Variants in ATXN1 observed in about 807,000 individuals in gnomAD.
The protein encoded by ATXN1 is ataxin 1, also known as ataxin-1.
A neutral mutation model predicts 56.4 loss-of-function variants in ATXN1; 8 were observed. The ratio of observed to expected loss-of-function variants is 0.14; its 90% CI spans 0.08 to 0.26. The LOEUF is 0.26. Ranked by LOEUF, ATXN1 falls within the 10% of genes least tolerant of loss-of-function variation. ATXN1 has a pLI of 1.00. For missense variants in ATXN1, 987 were observed against 1,106.5 expected (o/e 0.89, Z 1.53); for synonymous variants, 514 against 494.6 (o/e 1.04, Z -0.52).
chr6:16,427,592 T>G (rs1759184436), intron 6 of ATXN1, among the ~76,000 whole-genome samples: 1 of 152,218 alleles, frequency 6.6e-6, no homozygotes, highest in Admixed American at 6.5e-5. Context: ...TTTGCCTGAT[T>G]TGTTGTAAAT....
intron 7 of ATXN1, among the ~76,000 whole-genome samples, chr6:16,312,075 A>G (rs147939563): frequency 6.6e-6 from 1 of 152,340 alleles, no homozygotes; most frequent in African/African-American, 2.4e-5. Flanking sequence ...TTCACAGGGC[A>G]GGCAATATTT....
chr6:16,596,133 A>G (rs1019867129), intron 3 of ATXN1, among the ~76,000 whole-genome samples: 5 of 152,116 alleles, frequency 3.3e-5, no homozygotes, highest in Non-Finnish European at 7.4e-5. Context: ...AGGAGCTGGG[A>G]CTACAGATGC....
At chr6:16,584,722 A>T (rs2113764156) in intron 4 of ATXN1, among the ~76,000 whole-genome samples, 2 of 151,872 alleles carry the variant, frequency 1.3e-5, no homozygotes, top group African/African-American at 4.8e-5. Context: ...CAAAATTCTC[A>T]GCATTGGAAA....
intron 6 of ATXN1, among the ~76,000 whole-genome samples, chr6:16,375,488 G>C (rs1478483074): frequency 6.6e-6 from 1 of 152,078 alleles, no homozygotes; most frequent in Non-Finnish European, 1.5e-5. Context: ...ACAAAGATTG[G>C]GGCATTACAA....
intron 4 of ATXN1, among the ~76,000 whole-genome samples, chr6:16,551,058 T>A (rs1761912561): frequency 6.6e-6 from 1 of 152,194 alleles, no homozygotes; most frequent in South Asian, 2.1e-4. Flanking sequence ...AGGGGATAAT[T>A]CAACCTAACA....
intron 6 of ATXN1, among the ~76,000 whole-genome samples, chr6:16,359,848 T>C (rs911973087): frequency 6.6e-6 from 1 of 151,880 alleles, no homozygotes; most frequent in Admixed American, 6.6e-5. Flanking sequence ...TTCTCACGCA[T>C]AAGTGGGAGC....
In ATXN1 at chr6:16,542,080, C is replaced by T. The variant is rs556923906; in HGVS notation, c.-360-19392G>A. Reference sequence around the variant, plus strand: ...GCCACCACCAAGAATTACTTGAAGGCTTGTCAAGTGCTTTAAGGCGCTATA... The same window carrying T: ...GCCACCACCAAGAATTACTTGAAGGTTTGTCAAGTGCTTTAAGGCGCTATA... On this transcript the variant is annotated intron_variant, in intron 4 of 7. Coordinates refer to ENST00000436367, the MANE Select transcript of ATXN1 (RefSeq NM_001128164.2). 2.6e-5 allele frequency among the ~76,000 whole-genome samples: 4 copies of T among 152,110 alleles called. No homozygotes were observed. In the South Asian group the frequency reaches 8.3e-4, roughly 32 times the overall value.
At chr6:16,456,038 G>T (rs1051309464) in intron 6 of ATXN1, among the ~76,000 whole-genome samples, 1 of 152,132 alleles carries the variant, frequency 6.6e-6, no homozygotes, top group Non-Finnish European at 1.5e-5. Context: ...GAATAAAAGC[G>T]GGCCACCCCA....
chr6:16,463,157 T>C (rs746461881), intron 6 of ATXN1, among the ~76,000 whole-genome samples: 1 of 152,136 alleles, frequency 6.6e-6, no homozygotes, highest in Non-Finnish European at 1.5e-5. Context: ...GCAAGTACTC[T>C]AGGAGTATGG....
intron 6 of ATXN1, among the ~76,000 whole-genome samples, chr6:16,445,919 A>T (rs1197951212): frequency 5.3e-5 from 8 of 151,322 alleles, no homozygotes; most frequent in Non-Finnish European, 1.0e-4. Context: ...AATCCAGTCT[A>T]TCATTGTTGG....
chr6:16,451,460 G>A (rs1046753664), intron 6 of ATXN1, among the ~76,000 whole-genome samples: 9 of 151,744 alleles, frequency 5.9e-5, no homozygotes, highest in African/African-American at 1.7e-4. Context: ...GCGAGACTCC[G>A]TCTCAAAAAA....
chr6:16,336,564 AGAAGGAGCCTCTGGCACAG>A (rs1761127560), intron 6 of ATXN1, among the ~76,000 whole-genome samples: 1 of 152,344 alleles, frequency 6.6e-6, no homozygotes, highest in African/African-American at 2.4e-5. Flanking sequence ...GTGAGACTGC[AGAAGGAGCCTCTGGCACAG>A]GTCGGACGTG....
At chr6:16,724,123 G>A (rs1417416684) in intron 2 of ATXN1, among the ~76,000 whole-genome samples, 3 of 152,290 alleles carry the variant, frequency 2.0e-5, no homozygotes, top group African/African-American at 7.2e-5. Context: ...TGATTGGTGA[G>A]GGAAGTACAT....
intron 3 of ATXN1, among the ~76,000 whole-genome samples, chr6:16,644,493 G>A (rs9477197): frequency 0.051 from 7,255 of 141,194 alleles, 460 homozygotes; most frequent in African/African-American, 0.15. Context: ...CCAGCCTGGC[G>A]ACAGAGCAAG....
chr6:16,409,080 G>A (rs1390392961), intron 6 of ATXN1, among the ~76,000 whole-genome samples: 4 of 152,118 alleles, frequency 2.6e-5, no homozygotes, highest in Non-Finnish European at 4.4e-5. Context: ...GTATACCTCA[G>A]TCATTTAACC....
At chr6:16,576,305 G>C (rs1218536541) in intron 4 of ATXN1, among the ~76,000 whole-genome samples, 1 of 152,100 alleles carries the variant, frequency 6.6e-6, no homozygotes, top group East Asian at 1.9e-4. Flanking sequence ...TTCTACATAT[G>C]ATAGTTCAGC....
rs1035166202 is a variant in ATXN1 at position 16,760,136 on chromosome 6, A to G, written c.-730+1162T>C. On this transcript the variant is annotated intron_variant, in intron 1 of 7. Transcript: ENST00000436367. The surrounding 1 kb of genome is among the most constrained non-coding windows in gnomAD (Gnocchi z 5.3). ...CGCAGCACTGGAACCACGTAGGAGG[A>G]GGCGGCGGCGCCCCCGGGAGTGGCA... Among the ~76,000 whole-genome samples the G allele has an allele frequency of 6.6e-6, 1 of 151,724 alleles. No individual in the cohort carries two copies. The highest frequency in any genetic ancestry group is 2.4e-5 in the African/African-American group (1 of 41,296).
At chr6:16,570,237 T>C (rs1326727266) in intron 4 of ATXN1, among the ~76,000 whole-genome samples, 1 of 152,206 alleles carries the variant, frequency 6.6e-6, no homozygotes, top group Non-Finnish European at 1.5e-5. Flanking sequence ...TTCAAGTTTT[T>C]ATAGGTTTTC....
intron 4 of ATXN1, among the ~76,000 whole-genome samples, chr6:16,583,463 C>T (rs1053414041): frequency 6.6e-6 from 1 of 152,156 alleles, no homozygotes; most frequent in African/African-American, 2.4e-5. Flanking sequence ...TTCCTAAGAG[C>T]TGGGTGTGGC....
Sources: allele counts gnomAD v4.1 joint callset (sites outside exome capture counted in the v4.1 genomes callset), GRCh38; gene constraint gnomAD v4.1.1; non-coding constraint Gnocchi (gnomAD v3.1); transcripts MANE v1.5; gene names NCBI Gene and HGNC (gene_info 2026-07-23, HGNC 2026-07-21).